CD247: variants seen among roughly 807,000 people sequenced by gnomAD.
The protein encoded by CD247 is CD247 molecule.
A neutral mutation model predicts 30.0 loss-of-function variants in CD247; 13 were observed. The observed-to-expected ratio is 0.43, with a 90% CI of 0.28 to 0.69. The LOEUF is 0.69. Among genes scored for constraint, CD247 ranks in the 30% least tolerant of loss-of-function variants. The probability of loss-of-function intolerance (pLI) is 0.16; values close to 1 mark genes in which losing one functional copy is unlikely to be tolerated. For missense variants in CD247, 193 were observed against 212.6 expected (o/e 0.91, Z 0.57); for synonymous variants, 72 against 80.0 (o/e 0.90, Z 0.53).
intron 1 of CD247, among the ~76,000 whole-genome samples, chr1:167,487,160 C>T (rs551897271): frequency 1.5e-4 from 21 of 138,412 alleles, no homozygotes; most frequent in African/African-American, 5.2e-4. Context: ...GTGTGGATCA[C>T]GGGGTCAGGA....
At chr1:167,451,637 G>A (rs1307668474) in intron 1 of CD247, among the ~76,000 whole-genome samples, 1 of 152,072 alleles carries the variant, frequency 6.6e-6, no homozygotes, top group African/African-American at 2.4e-5. Context: ...TAATCCCTAA[G>A]CCTCCATTTC....
intron 1 of CD247, among the ~76,000 whole-genome samples, chr1:167,452,943 A>G (rs1412328232): frequency 2.0e-5 from 3 of 151,408 alleles, no homozygotes; most frequent in Non-Finnish European, 2.9e-5. Flanking sequence ...ATAGAACAAT[A>G]CAAACATATA....
At chr1:167,462,661 G>C (rs1374657214) in intron 1 of CD247, among the ~76,000 whole-genome samples, 1 of 152,128 alleles carries the variant, frequency 6.6e-6, no homozygotes, top group Non-Finnish European at 1.5e-5. Context: ...CCCGCCGCTG[G>C]GCCATTTCCC....
chr1:167,465,499 T>G (rs1414609121), intron 1 of CD247, among the ~76,000 whole-genome samples: 1 of 151,890 alleles, frequency 6.6e-6, no homozygotes, highest in Non-Finnish European at 1.5e-5. Context: ...GGCTAATTTT[T>G]TTTGTATTTT....
chr1:167,499,366 G>C (rs151030709), intron 1 of CD247, among the ~76,000 whole-genome samples: 4 of 152,292 alleles, frequency 2.6e-5, no homozygotes, highest in Admixed American at 2.6e-4. Context: ...AGAGGGACTT[G>C]ACCCAGCTGG....
intron 1 of CD247, among the ~76,000 whole-genome samples, chr1:167,481,245 C>G (rs1298352607): frequency 6.6e-6 from 1 of 152,122 alleles, no homozygotes; most frequent in African/African-American, 2.4e-5. Context: ...TGAGATCACG[C>G]CACTGCACCC....
At chr1:167,467,376 A>G (rs1463425241) in intron 1 of CD247, among the ~76,000 whole-genome samples, 1 of 151,964 alleles carries the variant, frequency 6.6e-6, no homozygotes, top group Non-Finnish European at 1.5e-5. Flanking sequence ...GAAAACTCTC[A>G]TTTTCCATTT....
chr1:167,479,327 G>A (rs75295821), intron 1 of CD247, among the ~76,000 whole-genome samples: 3,072 of 152,250 alleles, frequency 0.02, 106 homozygotes, highest in African/African-American at 0.07. Flanking sequence ...CTTTGAAAAC[G>A]GGGAGGAGTG....
chr1:167,487,122 T>C (rs1395284555), intron 1 of CD247, among the ~76,000 whole-genome samples: 1 of 146,486 alleles, frequency 6.8e-6, no homozygotes, highest in Non-Finnish European at 1.5e-5. Context: ...TTCACATCTA[T>C]AATTCCAGCA....
At chr1:167,491,132 G>C (rs566598536) in intron 1 of CD247, among the ~76,000 whole-genome samples, 1 of 151,992 alleles carries the variant, frequency 6.6e-6, no homozygotes, top group Non-Finnish European at 1.5e-5. Flanking sequence ...CCCTTTACTC[G>C]TTGGAATGGC....
chr1:167,488,810 T>C lies in CD247; in HGVS notation c.58+29598A>G, dbSNP rs997317813. ...CCCAACAAGTATTTCCCTTTCTGCA[T>C]GTGCGTGCGTGTTTTTATGTCACGT... On this transcript the variant is annotated intron_variant, in intron 1 of 7. Transcript: ENST00000362089. 7.9e-5 allele frequency among the ~76,000 whole-genome samples: 12 copies of C among 152,366 alleles called. No individual in the cohort carries two copies. The East Asian group carries it at 2.3e-3, about 29-fold the overall frequency.
rs1557990163 is a variant in CD247, at chr1:167,431,749, G to A, written c.430-3C>T. On this transcript the variant is annotated splice_polypyrimidine_tract_variant and splice_region_variant and intron_variant, in intron 7 of 7. Coordinates refer to ENST00000362089, the MANE Select transcript of CD247 (RefSeq NM_198053.3). ...TCCTTGGTGGCTGTACTGAGACCCTGGCGTGAAAGCAAATCAGAAAACAAA... is the reference window on the plus strand; with the variant it reads ...TCCTTGGTGGCTGTACTGAGACCCTAGCGTGAAAGCAAATCAGAAAACAAA... 1 of 1,613,868 alleles carries A rather than the reference G, an allele frequency of 6.2e-7. No individual in the cohort carries two copies. Among genetic ancestry groups the A allele is most frequent in the Non-Finnish European group, 8.5e-7 (1 of 1,179,832 alleles).
chr1:167,431,107 C>A lies in CD247; in HGVS notation c.*574G>T, dbSNP rs1004667638. ...GCAGGCCCTGGCTGACCCTCCCCTG[C>A]CCGCCCACCTTCCCATGCCCCTGCA... On this transcript the variant is annotated 3_prime_UTR_variant, in exon 8 of 8. Transcript: ENST00000362089. 3.8e-5 allele frequency: 16 copies of A among 421,324 alleles called. No homozygotes were observed. The highest frequency in any genetic ancestry group is 2.8e-4 in the African/African-American group (14 of 49,254). 26.1% of individuals were successfully genotyped at this position (421,324 alleles called of 1,614,324 possible).
intron 1 of CD247, among the ~76,000 whole-genome samples, chr1:167,450,769 C>T (rs1301381415): frequency 6.6e-6 from 1 of 151,796 alleles, no homozygotes; most frequent in Non-Finnish European, 1.5e-5. Context: ...AAAAATTAGT[C>T]AGGCATGGTG....
Position 167,509,319 on chromosome 1 carries a change from G to A in CD247, c.58+9089C>T, listed in dbSNP as rs917213301. Among the ~76,000 whole-genome samples the A allele has an allele frequency of 6.8e-5, 10 of 147,526 alleles. No individual in the cohort carries two copies. In the South Asian group the frequency reaches 8.5e-4, roughly 13 times the overall value. On this transcript the variant is annotated intron_variant, in intron 1 of 7. Coordinates refer to ENST00000362089, the MANE Select transcript of CD247 (RefSeq NM_198053.3). The stretch of plus-strand genomic sequence containing the variant: ...ATGGGGGTTGTGGTGAGCCGAGATC[G>A]CGCCATTGCACTCCAGCCTAGTCAA...
At chr1:167,498,393 C>T (rs939810299) in intron 1 of CD247, among the ~76,000 whole-genome samples, 2 of 152,196 alleles carry the variant, frequency 1.3e-5, no homozygotes, top group African/African-American at 4.8e-5. Context: ...CTCAAGGGAG[C>T]TGAAGATGAG....
chr1:167,495,993 C>A (rs1312341943), intron 1 of CD247, among the ~76,000 whole-genome samples: 1 of 152,302 alleles, frequency 6.6e-6, no homozygotes, highest in Middle Eastern at 3.4e-3. Context: ...TCGTTTATTG[C>A]CTGTCTCCGT....
chr1:167,437,009 G>A (rs1051632917), intron 4 of CD247, among the ~76,000 whole-genome samples: 1 of 152,164 alleles, frequency 6.6e-6, no homozygotes, highest in African/African-American at 2.4e-5. Flanking sequence ...TCTGCTTGTT[G>A]AAGAAATGTC....
At chr1:167,487,733 A>G (rs530007171) in intron 1 of CD247, among the ~76,000 whole-genome samples, 2 of 152,084 alleles carry the variant, frequency 1.3e-5, no homozygotes, top group Admixed American at 1.3e-4. Context: ...CCACCACACT[A>G]CCTTGTTTTT....
Sources: gnomAD v4.1 joint callset for allele counts (sites outside exome capture counted in the v4.1 genomes callset) on GRCh38, gnomAD v4.1.1 for gene constraint, MANE v1.5 for transcripts, NCBI Gene and HGNC (gene_info 2026-07-23, HGNC 2026-07-21) for gene names.